The following TRMT44 variants were observed in gnomAD, a reference collection of about 807,000 sequenced individuals.
The protein encoded by TRMT44 is tRNA methyltransferase 44 homolog.
Under a neutral mutation model 77.3 loss-of-function variants are expected in TRMT44, and 78 were observed. The ratio of observed to expected loss-of-function variants is 1.01; its 90% CI spans 0.84 to 1.22. The LOEUF (loss-of-function observed/expected upper bound fraction) is 1.22, where lower values mean the gene tolerates loss of function less well. Among genes scored for constraint, TRMT44 ranks in the 50% most tolerant of loss-of-function variants. The pLI is 0.00. For missense variants in TRMT44, 1,090 were observed against 964.4 expected (o/e 1.13, Z -1.73); for synonymous variants, 391 against 383.3 (o/e 1.02, Z -0.23).
rs202211520 is a variant in TRMT44 at position 8,454,830 on chromosome 4, G to T, written c.1203+17G>T. 19 of 1,612,742 alleles carry T rather than the reference G, an allele frequency of 1.2e-5. No individual in the cohort carries two copies. The highest frequency in any genetic ancestry group is 1.7e-4 in the Middle Eastern group (1 of 6,056). On this transcript the variant is annotated intron_variant, in intron 6 of 10. Coordinates refer to ENST00000389737, the MANE Select transcript of TRMT44 (RefSeq NM_152544.3). ...CAGTTAGAGGTACCGTCTTTATTAC[G>T]CATGCCCTTGATCTCAGCATGGCTT...
chr4:8,503,828 C>T, the TRMT44 span, among the ~76,000 whole-genome samples: 2 of 152,212 alleles, frequency 1.3e-5, no homozygotes, highest in South Asian at 4.1e-4. Flanking sequence ...CTTCACCCTC[C>T]TAAATGTTGG....
At chr4:8,489,188 C>T (rs1311858343) in intron 2 of TRMT44, among the ~76,000 whole-genome samples, 10 of 152,242 alleles carry the variant, frequency 6.6e-5, no homozygotes, top group African/African-American at 2.4e-4. Context: ...CGCTTGAAGG[C>T]CCTGGGGCTG....
intron 10 of TRMT44, among the ~76,000 whole-genome samples, chr4:8,471,448 C>A (rs1044097681): frequency 6.6e-6 from 1 of 152,238 alleles, no homozygotes; most frequent in Non-Finnish European, 1.5e-5. Context: ...TCTCTCTCCC[C>A]CTATGCTGTG....
At chr4:8,474,709 G>A (rs919157653) in intron 10 of TRMT44, among the ~76,000 whole-genome samples, 9 of 152,320 alleles carry the variant, frequency 5.9e-5, no homozygotes, top group South Asian at 2.1e-4. Context: ...TGTCGTGAGC[G>A]GTTTCCTAGC....
the TRMT44 span, among the ~76,000 whole-genome samples, chr4:8,516,596 A>G: frequency 6.6e-6 from 1 of 152,158 alleles, no homozygotes; most frequent in Non-Finnish European, 1.5e-5. Context: ...CCTGGGCAAC[A>G]TAGTGAGACT....
Position 8,441,193 on chromosome 4 carries a change from C to A in TRMT44, c.371C>A (p.Ser124Tyr), listed in dbSNP as rs752709091. 1 of 1,534,712 alleles carries A rather than the reference C, an allele frequency of 6.5e-7. No individual in the cohort carries two copies. Among genetic ancestry groups the A allele is most frequent in the South Asian group, 1.2e-5 (1 of 83,718 alleles). The change falls in exon 1 of 11, where the codon TCC becomes TAC. Residue 124 changes from serine to tyrosine, a missense_variant. Physicochemically the swap from Ser to Tyr is moderately radical, Grantham distance 144. Transcript: ENST00000389737. ...REAASVPLRD[S>Y]GHPGHAEGRE... ...GCCGCCTCAGTGCCCCTGAGGGACT[C>A]CGGGCACCCCGGCCATGCTGAAGGA...
chr4:8,449,951 T>TTTATTTTA, intron 3 of TRMT44, 63 bp downstream of exon 3: 4 of 274,300 alleles, frequency 1.5e-5, no homozygotes, highest in Non-Finnish European at 2.1e-5. Flanking sequence ...TTTCTTTTCT[T>TTTATTTTA]TTTTTTTTTT....
chr4:8,471,537 G>A (rs572707597), intron 10 of TRMT44, among the ~76,000 whole-genome samples: 1 of 152,230 alleles, frequency 6.6e-6, no homozygotes, highest in African/African-American at 2.4e-5. Context: ...CCTGTTGGCT[G>A]GGGGTCATTG....
At chr4:8,464,202 T>C in intron 7 of TRMT44, 111 bp downstream of exon 7, 6 of 729,194 alleles carry the variant, frequency 8.2e-6, no homozygotes, top group Non-Finnish European at 1.4e-5. Flanking sequence ...GCACTTGAAA[T>C]GTGGGTAGTT....
chr4:8,474,652 G>A (rs1044611421), intron 10 of TRMT44, among the ~76,000 whole-genome samples: 1 of 152,244 alleles, frequency 6.6e-6, no homozygotes, highest in African/African-American at 2.4e-5. Context: ...TTGGAAGTCG[G>A]TGAGCCAGAC....
chr4:8,487,960 G>A (rs888857140), intron 2 of TRMT44, among the ~76,000 whole-genome samples: 4 of 152,220 alleles, frequency 2.6e-5, no homozygotes, highest in Non-Finnish European at 4.4e-5. Flanking sequence ...TTGGATCCAC[G>A]GATAAAACGT....
chr4:8,484,906 G>T (rs952579502), intron 2 of TRMT44, among the ~76,000 whole-genome samples: 1 of 152,190 alleles, frequency 6.6e-6, no homozygotes, highest in Non-Finnish European at 1.5e-5. Flanking sequence ...TTTTTATGAA[G>T]AATTATGCCG....
chr4:8,470,920 TTGGTGCGGTG>T lies in TRMT44; in HGVS notation c.1928-158_1928-149del, dbSNP rs1451220478. The T allele has an allele frequency of 7.2e-6, 4 of 552,744 alleles. No homozygotes were observed. In the African/African-American group the frequency reaches 7.7e-5, roughly 11 times the overall value. The allele number at this position is 552,744 out of a possible 1,614,324, so 34.2% of individuals were successfully genotyped here. A position where few individuals can be genotyped will look rare whatever the true frequency, so the allele number is the denominator to read the frequency against. On this transcript the variant is annotated intron_variant, in intron 9 of 10. Transcript: ENST00000389737. ...GTGGGGACGCCACGGCCCTCACGGT[TTGGTGCGGTG>T]TGGTGTGGGTTAGGTGAGATGGAAT...
chr4:8,472,779 G>A (rs1376428848), intron 10 of TRMT44, among the ~76,000 whole-genome samples: 1 of 141,726 alleles, frequency 7.1e-6, no homozygotes, highest in Non-Finnish European at 1.5e-5. Context: ...AGTGCTGGCT[G>A]GGCTGGGCCT....
chr4:8,486,606 C>T (rs965310715), intron 2 of TRMT44, among the ~76,000 whole-genome samples: 3 of 151,394 alleles, frequency 2.0e-5, no homozygotes, highest in African/African-American at 4.9e-5. Context: ...GGCTGTAAAG[C>T]GTCTCGGGGT....
intron 2 of TRMT44, among the ~76,000 whole-genome samples, chr4:8,488,815 A>G (rs1292955179): frequency 1.3e-5 from 2 of 152,320 alleles, no homozygotes; most frequent in Admixed American, 6.5e-5. Flanking sequence ...TAGCCCAGGC[A>G]AAGGACCTCC....
At chr4:8,483,172 G>A (rs574328920) in intron 2 of TRMT44, among the ~76,000 whole-genome samples, 2 of 152,302 alleles carry the variant, frequency 1.3e-5, no homozygotes, top group African/African-American at 2.4e-5. Flanking sequence ...GAATTGGGAG[G>A]ACCCAGGACA....
Position 8,460,698 on chromosome 4 carries a change from C to T in TRMT44, c.1204-3287C>T, listed in dbSNP as rs557294378. ...CCTCCCGGGTAGCTAGGACCACAGG[C>T]GCGCACCACCACTACGCCTGACTAA... On this transcript the variant is annotated intron_variant, in intron 6 of 10. Coordinates refer to ENST00000389737, the MANE Select transcript of TRMT44 (RefSeq NM_152544.3). Among the ~76,000 whole-genome samples, 7 of 152,012 alleles carry T rather than the reference C, an allele frequency of 4.6e-5. No individual in the cohort carries two copies. The East Asian group carries it at 5.8e-4, about 13-fold the overall frequency.
intron 6 of TRMT44, among the ~76,000 whole-genome samples, chr4:8,462,346 G>T (rs1726210697): frequency 6.6e-6 from 1 of 152,084 alleles, no homozygotes; most frequent in Non-Finnish European, 1.5e-5. Flanking sequence ...GGGAGGCTGA[G>T]GTTGCAGTGA....
Sources: allele counts gnomAD v4.1 joint callset (sites outside exome capture counted in the v4.1 genomes callset), GRCh38; gene constraint gnomAD v4.1.1; transcripts MANE v1.5; gene names NCBI Gene and HGNC (gene_info 2026-07-23, HGNC 2026-07-21).